The following DNAH2 variants were observed in gnomAD, a reference collection of about 807,000 sequenced individuals.
The protein encoded by DNAH2 is dynein axonemal heavy chain 2, also known as axonemal beta dynein heavy chain 2.
In DNAH2, 323 loss-of-function variants were observed where a neutral mutation model predicts 523.5. The ratio of observed to expected loss-of-function variants is 0.62; its 90% CI spans 0.56 to 0.68. DNAH2 has a LOEUF of 0.68. Among genes scored for constraint, DNAH2 ranks in the 30% least tolerant of loss-of-function variants. DNAH2 has a pLI of 0.00. For synonymous variants in DNAH2, 2,093 were observed against 2,177.4 expected (o/e 0.96, Z 1.08); for missense variants, 4,907 against 5,701.5 (o/e 0.86, Z 4.49).
At chr17:7,793,447 T>TTCTTTC (rs774059490) in intron 48 of DNAH2, among the ~76,000 whole-genome samples, 18 of 96,502 alleles carry the variant, frequency 1.9e-4, no homozygotes, top group African/African-American at 6.0e-4. Flanking sequence ...CTTTCTTTCT[T>TTCTTTC]TTTCTTTCTT....
intron 49 of DNAH2, 44 bp from the exon 50 acceptor site, chr17:7,796,420 A>G (rs1282556296): frequency 6.2e-7 from 1 of 1,600,490 alleles, no homozygotes; most frequent in South Asian, 1.1e-5. Context: ...CCCTCTGGCT[A>G]GAAGGCCAGC....
chr17:7,778,846 G>A (rs2076529104), intron 35 of DNAH2, among the ~76,000 whole-genome samples: 1 of 152,206 alleles, frequency 6.6e-6, no homozygotes, highest in Non-Finnish European at 1.5e-5. Context: ...TGGGATTACA[G>A]GCGTGAGCCA....
intron 63 of DNAH2, among the ~76,000 whole-genome samples, chr17:7,810,177 C>A (rs1274126577): frequency 6.6e-6 from 1 of 151,716 alleles, no homozygotes; most frequent in East Asian, 1.9e-4. Context: ...GATCCTCCCA[C>A]CCAAGCCTCC....
At chr17:7,790,697 T>G (rs917242702) in intron 44 of DNAH2, among the ~76,000 whole-genome samples, 1 of 147,184 alleles carries the variant, frequency 6.8e-6, no homozygotes, top group Non-Finnish European at 1.5e-5. Flanking sequence ...TGTATGTCAT[T>G]CCAGACCTCT....
At chr17:7,722,290 C>T (rs897306182) in intron 2 of DNAH2, among the ~76,000 whole-genome samples, 2 of 152,144 alleles carry the variant, frequency 1.3e-5, no homozygotes, top group African/African-American at 4.8e-5. Flanking sequence ...CAGGTATGAG[C>T]CATCGTGCCC....
chr17:7,798,565 GCGT>G lies in DNAH2; in HGVS notation c.8408_8410del (p.Arg2803del). Reference sequence around the variant, plus strand: ...CTTCCCTCCCCCGGCCAGATATCAAGCGTCTGTATCGCCAGGCTGGGGTGGAGC... The same window carrying G: ...CTTCCCTCCCCCGGCCAGATATCAAGCTGTATCGCCAGGCTGGGGTGGAGC... On this transcript the variant is annotated inframe_deletion, in exon 55 of 86. Transcript: ENST00000572933. The surrounding 1 kb of genome is among the most constrained non-coding windows in gnomAD (Gnocchi z 5.5). 6.2e-7 allele frequency: 1 copy of G among 1,614,050 alleles called. No homozygotes were observed. The highest frequency in any genetic ancestry group is 8.5e-7 in the Non-Finnish European group (1 of 1,180,020).
At chr17:7,745,450 A>G (rs948034150) in intron 12 of DNAH2, among the ~76,000 whole-genome samples, 16 of 152,190 alleles carry the variant, frequency 1.1e-4, no homozygotes, top group African/African-American at 2.9e-4. Context: ...CAACACTCTC[A>G]TGACACAATT....
In DNAH2 at chr17:7,824,185, C is replaced by G. The variant is rs2077953288; in HGVS notation, c.11543C>G (p.Thr3848Ser). The G allele has an allele frequency of 6.2e-7, 1 of 1,604,762 alleles. No homozygotes were observed. The highest frequency in any genetic ancestry group is 1.3e-5 in the African/African-American group (1 of 74,800). ...ATCCTGTCCCCTGGTGTGGACCCCA[C>G]CAGTGCCCTGCTGCAGCTGGCAGAG... ...VFILSPGVDP[T>S]SALLQLAEHM... The change falls in exon 76 of 86, where the codon ACC becomes AGC. Residue 3848 changes from threonine to serine, a missense_variant. Thr to Ser is a moderately conservative substitution (Grantham distance 58). Transcript: ENST00000572933.
rs137983416 is a variant in DNAH2 at position 7,817,603 on chromosome 17, G to A, written c.10063G>A (p.Asp3355Asn). The A allele has an allele frequency of 2.9e-4, 461 of 1,614,100 alleles. 3 individuals carry two copies. The highest frequency in any genetic ancestry group is 1.5e-3 in the Middle Eastern group (9 of 6,062). ...TCCTTGCTCCCCTTCTTTCGCCATC[G>A]ATAACTTCCTGTGCAATCCTACCAA... ...QVPCSPSFAI[D>N]NFLCNPTKVR... Residue 3355 changes from aspartate to asparagine, a missense_variant, in exon 66 of 86, where the codon GAT (aspartate) becomes AAT (asparagine). Physicochemically the swap from Asp to Asn is conservative, Grantham distance 23. Transcript: ENST00000572933.
At position 7,719,785 on chromosome 17, in the gene DNAH2, C is replaced by G. The variant is rs1424930793; in HGVS notation, c.51C>G (p.Ser17=). 4.3e-6 allele frequency: 7 copies of G among 1,614,168 alleles called. No individual in the cohort carries two copies. The South Asian group carries it at 5.5e-5, about 13-fold the overall frequency. ...AGCGATTGAGTGGCCGAGGAAGCTC[C>G]CAGGCAAGCTGGTCAGGGCGGGCCA... ...KKQRLSGRGS[S]QASWSGRATR... is the part of the protein sequence containing the mutation. The change falls in exon 2 of 86, where the codon TCC becomes TCG. Residue 17 remains serine (S), a synonymous_variant. Transcript: ENST00000572933.
At position 7,818,753 on chromosome 17, in the gene DNAH2, G is replaced by A. The variant is rs1334524710; in HGVS notation, c.10647G>A (p.Lys3549=). ...INIAAGKRKL[K]ELEDEILRLL... ...TCGCGGCTGGTAAAAGGAAGCTCAA[G>A]GAGCTGGAGGATGAGATCCTGCGGT... The change falls in exon 70 of 86, where the codon AAG becomes AAA. Residue 3549 remains lysine (K), a synonymous_variant. Transcript: ENST00000572933. The A allele has an allele frequency of 6.2e-7, 1 of 1,614,092 alleles. No homozygotes were observed. Among genetic ancestry groups the A allele is most frequent in the South Asian group, 1.1e-5 (1 of 91,076 alleles).
rs761029815 is a variant in DNAH2, at chr17:7,817,579, C to CA, written c.10039_10040insA (p.Pro3347HisfsTer10). 6.2e-7 allele frequency: 1 copy of CA among 1,614,146 alleles called. No homozygotes were observed. The highest frequency in any genetic ancestry group is 1.7e-5 in the Admixed American group (1 of 60,020). ...TCCCCAGATCTGGGAGCTTCAGGTT[C>CA]CTTGCTCCCCTTCTTTCGCCATCGA... On this transcript the variant is annotated frameshift_variant, in exon 66 of 86. Coordinates refer to ENST00000572933, the MANE Select transcript of DNAH2 (RefSeq NM_020877.5). LOFTEE classifies it high-confidence loss of function.
intron 12 of DNAH2, among the ~76,000 whole-genome samples, chr17:7,756,429 C>T (rs565988518): frequency 7.0e-4 from 107 of 151,784 alleles, no homozygotes; most frequent in Middle Eastern, 3.4e-3. Context: ...GCTCACACTA[C>T]CATGCCTGGC....
At chr17:7,816,527 C>A in intron 63 of DNAH2, 44 bp from the exon 64 acceptor site, 4 of 1,606,998 alleles carry the variant, frequency 2.5e-6, no homozygotes, top group Non-Finnish European at 3.4e-6. Context: ...AACAATCTGG[C>A]TGCGAGCCCT....
intron 22 of DNAH2, 114 bp from the exon 23 acceptor site, chr17:7,767,786 C>T: frequency 1.0e-5 from 14 of 1,378,010 alleles, no homozygotes; most frequent in Non-Finnish European, 1.4e-5. Context: ...GAGGAGGCCG[C>T]TGTATTATCT....
At chr17:7,743,305 C>G in intron 12 of DNAH2, 163 bp downstream of exon 12, 2 of 768,098 alleles carry the variant, frequency 2.6e-6, no homozygotes, top group Non-Finnish European at 2.2e-6. Context: ...TTATTTTTGT[C>G]TCTCCCCACC....
chr17:7,721,004 C>CTT (rs71159523), intron 2 of DNAH2, among the ~76,000 whole-genome samples: 2,509 of 109,548 alleles, frequency 0.023, 94 homozygotes, highest in African/African-American at 0.059. Flanking sequence ...TTCTTTCTTT[C>CTT]TTTTTTTTTT....
intron 63 of DNAH2, among the ~76,000 whole-genome samples, chr17:7,814,434 G>T (rs2077604351): frequency 6.6e-6 from 1 of 152,048 alleles, no homozygotes; most frequent in South Asian, 2.1e-4. Context: ...GCTGATGGGT[G>T]TTTCTAGGTT....
chr17:7,741,460 C>G (rs1368099501), intron 11 of DNAH2, among the ~76,000 whole-genome samples: 2 of 150,936 alleles, frequency 1.3e-5, no homozygotes, highest in African/African-American at 2.4e-5. Context: ...CGGGTTCACA[C>G]CATTCTCCTG....
Sources: gnomAD v4.1 joint callset for allele counts (sites outside exome capture counted in the v4.1 genomes callset) on GRCh38, gnomAD v4.1.1 for gene constraint, Gnocchi (gnomAD v3.1) non-coding constraint, MANE v1.5 for transcripts, NCBI Gene and HGNC (gene_info 2026-07-23, HGNC 2026-07-21) for gene names.